SDCBP: variants seen among roughly 807,000 people sequenced by gnomAD.
SDCBP encodes syntenin-1.
Under a neutral mutation model 30.5 loss-of-function variants are expected in SDCBP, and 22 were observed. The ratio of observed to expected loss-of-function variants is 0.72; its 90% confidence interval spans 0.52 to 1.03. The LOEUF (loss-of-function observed/expected upper bound fraction) is 1.03. Among genes scored for constraint, SDCBP ranks in the 50% least tolerant of loss-of-function variants. The probability of loss-of-function intolerance (pLI) is 0.00; values close to 1 mark genes in which losing one functional copy is unlikely to be tolerated. For missense variants in SDCBP, 304 were observed against 369.9 expected (o/e 0.82, Z 1.46); for synonymous variants, 103 against 118.7 (o/e 0.87, Z 0.86).
chr8:58,575,838 A>G (rs1805281124), intron 4 of SDCBP, 62 bp from the exon 5 acceptor site: 1 of 1,396,360 alleles, frequency 7.2e-7, no homozygotes, highest in African/African-American at 1.4e-5. Context: ...CCAGTTAATT[A>G]TCATTGTTTT....
At chr8:58,579,559 T>C (rs1770390818) in intron 6 of SDCBP, 64 bp from the exon 7 acceptor site, 3 of 1,271,074 alleles carry the variant, frequency 2.4e-6, no homozygotes, top group African/African-American at 3.0e-5. Context: ...ATTTATGCTA[T>C]ATGAAATCCA....
chr8:58,571,084 A>G, intron 3 of SDCBP, 119 bp downstream of exon 3: 1 of 654,494 alleles, frequency 1.5e-6, no homozygotes, highest in Non-Finnish European at 2.7e-6. Flanking sequence ...AGTTAAGCTC[A>G]AATAGTTATG....
In SDCBP at chr8:58,570,895, T is replaced by G; in HGVS notation, c.60T>G (p.Thr20=). 1.2e-6 allele frequency: 2 copies of G among 1,612,772 alleles called. No individual in the cohort carries two copies. Among genetic ancestry groups the G allele is most frequent in the Non-Finnish European group, 1.7e-6 (2 of 1,179,068 alleles). The stretch of plus-strand genomic sequence containing the variant: ...CTTCTTTTCTTTTTCAGGCTCAAAC[T>G]GCTTTTTCTGCAAACCCTGCCAATC... ...LKVDKVIQAQ[T]AFSANPANPA... The change falls in exon 3 of 9, where the codon ACT becomes ACG. Residue 20 remains threonine, a synonymous_variant. Coordinates refer to ENST00000260130, the MANE Select transcript of SDCBP (RefSeq NM_005625.4).
At chr8:58,563,008 G>T (rs1445965543) in intron 1 of SDCBP, among the ~76,000 whole-genome samples, 1 of 152,162 alleles carries the variant, frequency 6.6e-6, no homozygotes, top group Non-Finnish European at 1.5e-5. Context: ...TCATCAAGGG[G>T]ATGGTATTAG....
intron 8 of SDCBP, 131 bp from the exon 9 acceptor site, chr8:58,581,555 T>G: frequency 1.5e-6 from 1 of 676,042 alleles, no homozygotes; most frequent in East Asian, 2.7e-5. Flanking sequence ...TAAAAGATCT[T>G]TCCCTTCTCT....
intron 1 of SDCBP, among the ~76,000 whole-genome samples, chr8:58,555,498 A>G (rs144256923): frequency 1.1e-3 from 161 of 152,236 alleles, no homozygotes; most frequent in African/African-American, 3.7e-3. Flanking sequence ...ATGGCTGATC[A>G]TCAGAAACCC....
intron 2 of SDCBP, among the ~76,000 whole-genome samples, chr8:58,570,387 A>C (rs1804948224): frequency 6.6e-6 from 1 of 151,202 alleles, no homozygotes; most frequent in African/African-American, 2.4e-5. Context: ...ATTTAGCATA[A>C]ACCCCTTCCT....
chr8:58,581,776 CCA>C lies in SDCBP; in HGVS notation c.*37_*38del. 6.3e-7 allele frequency: 1 copy of C among 1,587,346 alleles called. No homozygotes were observed. On this transcript the variant is annotated 3_prime_UTR_variant, in exon 9 of 9. Transcript: ENST00000260130. ...ACCATGGAAATGTAGCTGAACGTCT[CCA>C]GTTTCCTTCTTTGGCAACTTCTGTA...
At chr8:58,575,821 G>A (rs1805279896) in intron 4 of SDCBP, 79 bp from the exon 5 acceptor site, 1 of 1,295,354 alleles carries the variant, frequency 7.7e-7, no homozygotes, top group South Asian at 1.4e-5. Context: ...CCAAAACTGA[G>A]TAAGTTCCAG....
chr8:58,577,115 C>T (rs1443903271), intron 5 of SDCBP, among the ~76,000 whole-genome samples: 6 of 152,258 alleles, frequency 3.9e-5, no homozygotes, highest in Non-Finnish European at 8.8e-5. Context: ...AGATACTTTT[C>T]ATAGGCCCCT....
At chr8:58,564,104 T>TTA (rs1431640220) in intron 1 of SDCBP, among the ~76,000 whole-genome samples, 2 of 152,190 alleles carry the variant, frequency 1.3e-5, no homozygotes, top group African/African-American at 4.8e-5. Context: ...TTGCCTCTAC[T>TTA]GACAAGGCTT....
chr8:58,565,309 G>A (rs1172772046), intron 2 of SDCBP, among the ~76,000 whole-genome samples: 2 of 149,766 alleles, frequency 1.3e-5, no homozygotes, highest in East Asian at 2.0e-4. Flanking sequence ...TTTTTAATTC[G>A]ACTTACACTT....
chr8:58,554,449 T>G (rs1483239802), intron 1 of SDCBP, among the ~76,000 whole-genome samples: 1 of 152,198 alleles, frequency 6.6e-6, no homozygotes, highest in African/African-American at 2.4e-5. Flanking sequence ...CCTTAAATGG[T>G]ACATAAATAT....
chr8:58,564,037 G>T (rs1475898189), intron 1 of SDCBP, among the ~76,000 whole-genome samples: 1 of 152,182 alleles, frequency 6.6e-6, no homozygotes, highest in Non-Finnish European at 1.5e-5. Flanking sequence ...AGTCTGGCTA[G>T]AGTAGTACGT....
chr8:58,572,369 T>C lies in SDCBP; in HGVS notation c.240+55T>C, dbSNP rs1805077245. On this transcript the variant is annotated intron_variant, in intron 4 of 8. Transcript: ENST00000260130. ...TATAAAATCATACTTTACATGTTAGTATAAGCTTTCCTCTTTGTGGCTAAC... is the reference window on the plus strand; with the variant it reads ...TATAAAATCATACTTTACATGTTAGCATAAGCTTTCCTCTTTGTGGCTAAC... The C allele has an allele frequency of 5.0e-6, 6 of 1,203,702 alleles. No homozygotes were observed. In the South Asian group the frequency reaches 7.6e-5, roughly 15 times the overall value. The allele number at this position is 1,203,702 out of a possible 1,614,324, so 74.6% of individuals were successfully genotyped here. A position where few individuals can be genotyped will look rare whatever the true frequency, so the allele number is the denominator to read the frequency against.
intron 2 of SDCBP, among the ~76,000 whole-genome samples, chr8:58,565,356 T>C (rs1337633876): frequency 6.6e-6 from 1 of 152,084 alleles, no homozygotes; most frequent in Non-Finnish European, 1.5e-5. Flanking sequence ...ATATGTAACA[T>C]ATTTGAGTTG....
chr8:58,577,387 TAG>T (rs1805400163), intron 5 of SDCBP, among the ~76,000 whole-genome samples: 1 of 152,266 alleles, frequency 6.6e-6, no homozygotes, highest in Non-Finnish European at 1.5e-5. Context: ...CATGTGAGTG[TAG>T]TTATTGGTTA....
intron 1 of SDCBP, 80 bp from the exon 2 acceptor site, chr8:58,564,935 CTTGT>C (rs1451222450): frequency 1.5e-6 from 1 of 679,340 alleles, no homozygotes; most frequent in Non-Finnish European, 2.5e-6. Flanking sequence ...AATAGTTCTA[CTTGT>C]TTATGTGTCT....
rs764543908 is a variant in SDCBP at position 58,579,628 on chromosome 8, T to C, written c.584T>C (p.Phe195Ser). ...TGAACCAATTATGTTTGTAGGCCCTTTGAACGGACGATTACCATGCATAAG... is the reference window on the plus strand; with the variant it reads ...TGAACCAATTATGTTTGTAGGCCCTCTGAACGGACGATTACCATGCATAAG... ...KITMTIRDRP[F>S]ERTITMHKDS... Residue 195 changes from phenylalanine (F) to serine (S), a missense_variant, in exon 7 of 9, where the codon TTT becomes TCT. Phe to Ser is a radical substitution (Grantham distance 155, BLOSUM62 -2). Coordinates refer to ENST00000260130, the MANE Select transcript of SDCBP (RefSeq NM_005625.4). The C allele has an allele frequency of 7.0e-6, 11 of 1,566,456 alleles. No homozygotes were observed. In the African/African-American group the frequency reaches 1.4e-4, roughly 20 times the overall value.
Sources: allele counts gnomAD v4.1 joint callset (sites outside exome capture counted in the v4.1 genomes callset), GRCh38; gene constraint gnomAD v4.1.1; transcripts MANE v1.5; gene names NCBI Gene and HGNC (gene_info 2026-07-23, HGNC 2026-07-21).